PTPMT1: variants seen among roughly 807,000 people sequenced by gnomAD.
PTPMT1 encodes the protein phosphatidylglycerophosphatase and protein-tyrosine phosphatase 1.
A neutral mutation model predicts 17.8 loss-of-function variants in PTPMT1; 12 were observed. That is an observed-to-expected ratio of 0.67 (90% CI 0.43 to 1.09). PTPMT1 has a LOEUF of 1.09. Among genes scored for constraint, PTPMT1 ranks in the 50% least tolerant of loss-of-function variants. The pLI is 0.00. For missense variants in PTPMT1, 262 were observed against 266.0 expected, an observed-to-expected ratio of 0.99 and a Z score of 0.10; for synonymous variants, 132 against 116.8, an observed-to-expected ratio of 1.13 and a Z score of -0.84.
intron 3 of PTPMT1, 23 bp from the exon 4 acceptor site, chr11:47,571,448 G>A (rs780374839): frequency 1.2e-6 from 2 of 1,610,248 alleles, no homozygotes; most frequent in South Asian, 1.1e-5. Context: ...TTTCTCTGCT[G>A]ATTTCCCAAC....
In PTPMT1 at chr11:47,572,807, G is replaced by C. The variant is rs1273559705; in HGVS notation, c.*1178G>C. On this transcript the variant is annotated 3_prime_UTR_variant, in exon 4 of 4. Coordinates refer to ENST00000326674, the MANE Select transcript of PTPMT1 (RefSeq NM_175732.3). ...AACACCTCCATGGATTCAGGGAAGG[G>C]CTGAGGCACTGCCTTTCTAGTATGT... 9.9e-7 allele frequency: 1 copy of C among 1,005,030 alleles called. No individual in the cohort carries two copies. Among genetic ancestry groups the C allele is most frequent in the African/African-American group, 1.6e-5 (1 of 61,378 alleles). The allele number at this position is 1,005,030 out of a possible 1,614,324, so 62.3% of individuals were successfully genotyped here. A position where few individuals can be genotyped will look rare whatever the true frequency, so the allele number is the denominator to read the frequency against.
intron 3 of PTPMT1, among the ~76,000 whole-genome samples, chr11:47,570,450 TTAAA>T (rs1270309734): frequency 1.3e-5 from 2 of 152,202 alleles, no homozygotes; most frequent in Non-Finnish European, 2.9e-5. Context: ...ATTATGAAGT[TTAAA>T]TAAGAAATTA....
In PTPMT1 at chr11:47,565,622, G is replaced by A. The variant is rs947821149; in HGVS notation, c.-1G>A. 7.6e-7 allele frequency: 1 copy of A among 1,308,678 alleles called. No homozygotes were observed. The highest frequency in any genetic ancestry group is 9.7e-7 in the Non-Finnish European group (1 of 1,030,906). The allele number at this position is 1,308,678 out of a possible 1,614,324, so 81.1% of individuals were successfully genotyped here. On this transcript the variant is annotated 5_prime_UTR_variant, in exon 1 of 4. Coordinates refer to ENST00000326674, the MANE Select transcript of PTPMT1 (RefSeq NM_175732.3). ...ACGGGTCGCCGCTGCGCCGGGCCGG[G>A]ATGGCGGCCACCGCGCTGCTGGAGG...
chr11:47,571,398 C>A, intron 3 of PTPMT1, 73 bp from the exon 4 acceptor site: 2 of 1,367,900 alleles, frequency 1.5e-6, no homozygotes, highest in Non-Finnish European at 2.0e-6. Context: ...CCTTTAGCAC[C>A]TGCTCATGGG....
At chr11:47,571,404 A>G in intron 3 of PTPMT1, 67 bp from the exon 4 acceptor site, 3 of 1,459,706 alleles carry the variant, frequency 2.1e-6, no homozygotes, top group Non-Finnish European at 2.8e-6. Context: ...GCACCTGCTC[A>G]TGGGTCAAGG....
Position 47,572,598 on chromosome 11 carries a change from G to A in PTPMT1, c.*969G>A, listed in dbSNP as rs913296649. On this transcript the variant is annotated 3_prime_UTR_variant, in exon 4 of 4. Transcript: ENST00000326674. Reference sequence around the variant, plus strand: ...CATCTTTCCTTATGTCCTGGGATCAGGGGTGCTTACATTTAACATTGATCA... The same window carrying A: ...CATCTTTCCTTATGTCCTGGGATCAAGGGTGCTTACATTTAACATTGATCA... 8.7e-5 allele frequency: 26 copies of A among 299,480 alleles called. No individual in the cohort carries two copies. The highest frequency in any genetic ancestry group is 5.1e-4 in the African/African-American group (24 of 46,896). The allele number at this position is 299,480 out of a possible 1,614,324, so 18.6% of individuals were successfully genotyped here. A position where few individuals can be genotyped will look rare whatever the true frequency, so the allele number is the denominator to read the frequency against.
Position 47,572,993 on chromosome 11 carries a change from T to C in PTPMT1, c.*1364T>C. On this transcript the variant is annotated 3_prime_UTR_variant, in exon 4 of 4. Transcript: ENST00000326674. ...TAATACCTCTTGTGACAGTTACGGCTGAAGTGGCAGGGTCAAGCTTGTAGG... is the reference window on the plus strand; with the variant it reads ...TAATACCTCTTGTGACAGTTACGGCCGAAGTGGCAGGGTCAAGCTTGTAGG... The C allele has an allele frequency of 6.2e-7, 1 of 1,614,192 alleles. No homozygotes were observed.
In PTPMT1 at chr11:47,572,869, G is replaced by C; in HGVS notation, c.*1240G>C. The C allele has an allele frequency of 6.5e-7, 1 of 1,541,238 alleles. No homozygotes were observed. ...CATAACTCTGAATTGGGGCCCAGGG[G>C]ACTTTGAGTTTGTATGGGGAGGGAA... On this transcript the variant is annotated 3_prime_UTR_variant, in exon 4 of 4. Coordinates refer to ENST00000326674, the MANE Select transcript of PTPMT1 (RefSeq NM_175732.3).
At chr11:47,568,929 G>C (rs981173498) in intron 2 of PTPMT1, among the ~76,000 whole-genome samples, 19 of 151,756 alleles carry the variant, frequency 1.3e-4, no homozygotes, top group African/African-American at 4.1e-4. Flanking sequence ...GACCTTAGGT[G>C]ATCTGCCCGC....
intron 1 of PTPMT1, 47 bp from the exon 2 acceptor site, chr11:47,565,859 G>T (rs1457435951): frequency 1.2e-6 from 2 of 1,609,398 alleles, no homozygotes; most frequent in Non-Finnish European, 1.7e-6. Context: ...CTGTCGGGCC[G>T]CTGGGGTCTC....
In PTPMT1 at chr11:47,573,038, A is replaced by G; in HGVS notation, c.*1409A>G. ...TGTAGGTGTTGGCATCCCCCTTTTT[A>G]TATCGGTCCCGGAAGACATAGATGC... On this transcript the variant is annotated 3_prime_UTR_variant, in exon 4 of 4. Transcript: ENST00000326674. The surrounding 1 kb of genome is among the most constrained non-coding windows in gnomAD (Gnocchi z 4.1). 1.9e-6 allele frequency: 3 copies of G among 1,614,160 alleles called. No homozygotes were observed. The highest frequency in any genetic ancestry group is 2.5e-6 in the Non-Finnish European group (3 of 1,180,036).
rs1228447710 is a variant in PTPMT1, at chr11:47,565,754, C to A, written c.132C>A (p.Thr44=). 1 of 1,594,506 alleles carries A rather than the reference C, an allele frequency of 6.3e-7. No homozygotes were observed. The highest frequency in any genetic ancestry group is 1.7e-5 in the Admixed American group (1 of 58,448). Residue 44 remains threonine, a synonymous_variant, in exon 1 of 4, where the codon ACC becomes ACA. Coordinates refer to ENST00000326674, the MANE Select transcript of PTPMT1 (RefSeq NM_175732.3). The part of the protein sequence containing the change: ...HRDWYHRIDP[T]VLLGALPLRS... ...ACTGGTACCACCGCATCGACCCCACCGTGCTGCTGGGCGCGCTGCCGTTGC... is the reference window on the plus strand; with the variant it reads ...ACTGGTACCACCGCATCGACCCCACAGTGCTGCTGGGCGCGCTGCCGTTGC...
intron 2 of PTPMT1, 144 bp downstream of exon 2, chr11:47,566,130 C>CA: frequency 4.6e-6 from 4 of 872,794 alleles, no homozygotes; most frequent in Non-Finnish European, 6.7e-6. Context: ...CGGTCTGTGC[C>CA]TCTAAATGGC....
Position 47,573,110 on chromosome 11 carries a change from G to A in PTPMT1, c.*1481G>A. ...TCCAGAGGGATGGGGCAGAGCTCCA[G>A]GCCTCAGGAAGGCAAAGCCGGGTGA... On this transcript the variant is annotated 3_prime_UTR_variant, in exon 4 of 4. Coordinates refer to ENST00000326674, the MANE Select transcript of PTPMT1 (RefSeq NM_175732.3). The surrounding 1 kb of genome is among the most constrained non-coding windows in gnomAD (Gnocchi z 4.1). 1.2e-6 allele frequency: 2 copies of A among 1,614,204 alleles called. No homozygotes were observed. Among genetic ancestry groups the A allele is most frequent in the Non-Finnish European group, 1.7e-6 (2 of 1,180,038 alleles).
rs575108648 is a variant in PTPMT1 at position 47,566,238 on chromosome 11, G to C, written c.255+252G>C. On this transcript the variant is annotated intron_variant, in intron 2 of 3. Transcript: ENST00000326674. ...CGCCTGTAATCCCAGCACTTTGGGAGGCGGGAGGAGGAGGCGGGCAGATCA... is the reference window on the plus strand; with the variant it reads ...CGCCTGTAATCCCAGCACTTTGGGACGCGGGAGGAGGAGGCGGGCAGATCA... 4.4e-3 allele frequency among the ~76,000 whole-genome samples: 663 copies of C among 152,280 alleles called. 2 individuals are homozygous for C. Among genetic ancestry groups the C allele is most frequent in the African/African-American group, 0.015 (607 of 41,560 alleles).
Position 47,571,808 on chromosome 11 carries a change from AGAAAG to A in PTPMT1, c.*184_*188del. 1 of 601,330 alleles carries A rather than the reference AGAAAG, an allele frequency of 1.7e-6. No individual in the cohort carries two copies. The allele number at this position is 601,330 out of a possible 1,614,324, so 37.2% of individuals were successfully genotyped here. On this transcript the variant is annotated 3_prime_UTR_variant, in exon 4 of 4. Transcript: ENST00000326674. ...CTTGAAATAACACTGTTGTGTGGCT[AGAAAG>A]GAAAAGATTTAGTGTGGCTTGTATT...
At chr11:47,569,255 G>A (rs1035388731) in intron 2 of PTPMT1, among the ~76,000 whole-genome samples, 7 of 151,586 alleles carry the variant, frequency 4.6e-5, no homozygotes, top group Admixed American at 2.6e-4. Flanking sequence ...GCTTGGTGGC[G>A]CGTGCCTGTA....
At position 47,573,025 on chromosome 11, in the gene PTPMT1, C is replaced by T; in HGVS notation, c.*1396C>T. The stretch of plus-strand genomic sequence containing the variant: ...GCAGGGTCAAGCTTGTAGGTGTTGG[C>T]ATCCCCCTTTTTATATCGGTCCCGG... On this transcript the variant is annotated 3_prime_UTR_variant, in exon 4 of 4. Coordinates refer to ENST00000326674, the MANE Select transcript of PTPMT1 (RefSeq NM_175732.3). This position sits in a 1 kb window ranked among gnomAD's most constrained non-coding sequence, Gnocchi z 4.1. 6.2e-7 allele frequency: 1 copy of T among 1,614,190 alleles called. No individual in the cohort carries two copies. Among genetic ancestry groups the T allele is most frequent in the South Asian group, 1.1e-5 (1 of 91,088 alleles).
Position 47,572,041 on chromosome 11 carries a change from G to C in PTPMT1, c.*412G>C, listed in dbSNP as rs1264006939. 6.2e-6 allele frequency: 1 copy of C among 161,410 alleles called. No homozygotes were observed. Among genetic ancestry groups the C allele is most frequent in the Non-Finnish European group, 1.4e-5 (1 of 74,072 alleles). The allele number at this position is 161,410 out of a possible 1,614,324, so 10.0% of individuals were successfully genotyped here. A position where few individuals can be genotyped will look rare whatever the true frequency, so the allele number is the denominator to read the frequency against. On this transcript the variant is annotated 3_prime_UTR_variant, in exon 4 of 4. Transcript: ENST00000326674. ...GAATCTGAATCTCACTGGCCCTGTG[G>C]AGTAGGGATCCTATCTGGAGAAGTG...
Sources: gnomAD v4.1 joint callset for allele counts (sites outside exome capture counted in the v4.1 genomes callset) on GRCh38, gnomAD v4.1.1 for gene constraint, Gnocchi (gnomAD v3.1) non-coding constraint, MANE v1.5 for transcripts, NCBI Gene and HGNC (gene_info 2026-07-23, HGNC 2026-07-21) for gene names.